Variants in KCNQ1OT1 observed in about 807,000 individuals in gnomAD.
KCNQ1OT1 encodes KCNQ1 opposite strand/antisense transcript 1.
exon 1 of KCNQ1OT1, chr11:2,640,183 G>A (rs922272012): frequency 6.5e-5 from 25 of 387,202 alleles, no homozygotes; most frequent in African/African-American, 2.1e-4. Context: ...GCCCTACTTC[G>A]TCTCACACTC....
In KCNQ1OT1 at chr11:2,624,560, T is replaced by C. The variant is rs116003312; in HGVS notation, n.75435A>G. 8.3e-3 allele frequency: 3,327 copies of C among 398,526 alleles called. 77 individuals are homozygous for C. Among genetic ancestry groups the C allele is most frequent in the African/African-American group, 0.059 (2,869 of 48,748 alleles). The allele number at this position is 398,526 out of a possible 1,614,324, so 24.7% of individuals were successfully genotyped here. ...TTTCTATTTGTTGTTGATTTCCAAA[T>C]CTTTTATTGTGGCAAAATACACTTA... On this transcript the variant is annotated non_coding_transcript_exon_variant, in exon 1 of 1. Coordinates refer to ENST00000597346, the Ensembl canonical transcript of KCNQ1OT1. This position sits in a 1 kb window ranked among gnomAD's most constrained non-coding sequence, Gnocchi z 4.9.
rs16928522 is a variant in KCNQ1OT1, at chr11:2,664,411, C to T, written n.35584G>A. 3.5e-5 allele frequency: 14 copies of T among 398,632 alleles called. No individual in the cohort carries two copies. Among genetic ancestry groups the T allele is most frequent in the Middle Eastern group, 1.3e-3 (2 of 1,588 alleles). The allele number at this position is 398,632 out of a possible 1,614,324, so 24.7% of individuals were successfully genotyped here. ...AGAGGCCTGAAGGGGAGAGTGGGCA[C>T]GTACAGTGTCAGGGCCTAGGAACCC... On this transcript the variant is annotated non_coding_transcript_exon_variant, in exon 1 of 1. Transcript: ENST00000597346. This position sits in a 1 kb window ranked among gnomAD's most constrained non-coding sequence, Gnocchi z 5.1.
chr11:2,638,960 C>T (rs1019227224), exon 1 of KCNQ1OT1: 1 of 152,148 alleles, frequency 6.6e-6, no homozygotes, highest in Non-Finnish European at 1.5e-5. Context: ...TCATTTCATT[C>T]ATTTGATCTT....
chr11:2,618,919 G>T, exon 1 of KCNQ1OT1: 1 of 398,120 alleles, frequency 2.5e-6, no homozygotes, highest in East Asian at 3.6e-5. Context: ...TTATTCCTAA[G>T]CAATTTTTTT....
At chr11:2,667,297 C>A (rs1435627465) in exon 1 of KCNQ1OT1, 3 of 398,526 alleles carry the variant, frequency 7.5e-6, no homozygotes, top group Non-Finnish European at 8.8e-6. Flanking sequence ...GAGAGGGCCG[C>A]ACTGTCTAGG....
exon 1 of KCNQ1OT1, chr11:2,696,602 A>C (rs1850680614): frequency 7.5e-6 from 3 of 398,544 alleles, no homozygotes; most frequent in Non-Finnish European, 8.8e-6. Context: ...CAAGCCCTCC[A>C]ACTGGAAGTT....
chr11:2,625,715 G>A (rs187538849), exon 1 of KCNQ1OT1: 7 of 397,114 alleles, frequency 1.8e-5, no homozygotes, highest in South Asian at 1.4e-4. Flanking sequence ...GACTACAGGC[G>A]CCCACCACCA....
chr11:2,640,778 A>T (rs1486558476), exon 1 of KCNQ1OT1: 1 of 398,440 alleles, frequency 2.5e-6, no homozygotes, highest in Non-Finnish European at 4.4e-6. Context: ...TAAATTATTT[A>T]TTCTAACTAG....
chr11:2,620,157 T>C lies in KCNQ1OT1; in HGVS notation n.79838A>G, dbSNP rs1849142008. On this transcript the variant is annotated non_coding_transcript_exon_variant, in exon 1 of 1. Transcript: ENST00000597346. The surrounding 1 kb of genome is among the most constrained non-coding windows in gnomAD (Gnocchi z 4.5). The stretch of plus-strand genomic sequence containing the variant: ...TTAATTTGCTTAAGATAGTGGCCTC[T>C]AGCTGCATCCATGTTGCTGCAAAGG... The C allele has an allele frequency of 2.5e-6, 1 of 395,934 alleles. No homozygotes were observed. The allele number at this position is 395,934 out of a possible 1,614,324, so 24.5% of individuals were successfully genotyped here. A position where few individuals can be genotyped will look rare whatever the true frequency, so the allele number is the denominator to read the frequency against.
At chr11:2,689,278 GAT>G (rs1355632127) in exon 1 of KCNQ1OT1, 11 of 398,568 alleles carry the variant, frequency 2.8e-5, no homozygotes. Flanking sequence ...CCTTTGCACA[GAT>G]ATCTCCCACT....
At chr11:2,675,372 G>C in exon 1 of KCNQ1OT1, 1 of 398,440 alleles carries the variant, frequency 2.5e-6, no homozygotes, top group Non-Finnish European at 4.4e-6. Context: ...GTGTGCATTA[G>C]AAAACATTTA....
In KCNQ1OT1 at chr11:2,670,789, T is replaced by G. The variant is rs1850170094; in HGVS notation, n.29206A>C. 2.5e-6 allele frequency: 1 copy of G among 398,484 alleles called. No individual in the cohort carries two copies. Among genetic ancestry groups the G allele is most frequent in the South Asian group, 1.3e-4 (1 of 7,850 alleles). 24.7% of individuals were successfully genotyped at this position (398,484 alleles called of 1,614,324 possible). On this transcript the variant is annotated non_coding_transcript_exon_variant, in exon 1 of 1. Transcript: ENST00000597346. The surrounding 1 kb of genome is among the most constrained non-coding windows in gnomAD (Gnocchi z 4.9). ...TGTGGCTGCCCTCTGCAATAAGAAT[T>G]CTTCAAGTTCAGCCTCTATGTGCAT...
chr11:2,672,261 T>A, exon 1 of KCNQ1OT1: 1 of 398,676 alleles, frequency 2.5e-6, no homozygotes, highest in East Asian at 3.6e-5. Context: ...CTTTTCTTTT[T>A]GAACTGCCCC....
At chr11:2,615,102 TC>T in exon 1 of KCNQ1OT1, 1 of 398,326 alleles carries the variant, frequency 2.5e-6, no homozygotes, top group East Asian at 3.6e-5. Context: ...AGTGCAGAAG[TC>T]TTTCACCTTC....
chr11:2,656,215 A>G (rs1308588143), exon 1 of KCNQ1OT1: 1 of 398,506 alleles, frequency 2.5e-6, no homozygotes, highest in Non-Finnish European at 4.4e-6. Flanking sequence ...ATCCTGGATG[A>G]AGTTTTAGCT....
chr11:2,699,004 C>T, exon 1 of KCNQ1OT1: 2 of 398,616 alleles, frequency 5.0e-6, no homozygotes, highest in East Asian at 3.6e-5. Flanking sequence ...TAATTCGGGC[C>T]CTGACTCAGA....
At chr11:2,675,477 G>A (rs1370705090) in exon 1 of KCNQ1OT1, 27 of 398,522 alleles carry the variant, frequency 6.8e-5, no homozygotes, top group East Asian at 5.7e-4. Context: ...ACATAAAAAC[G>A]TAAATATTTC....
chr11:2,619,379 C>T (rs559268559), exon 1 of KCNQ1OT1: 17 of 398,422 alleles, frequency 4.3e-5, no homozygotes, highest in Non-Finnish European at 7.1e-5. Flanking sequence ...AATTTATCAA[C>T]AAAGGATGTT....
exon 1 of KCNQ1OT1, chr11:2,688,994 C>G (rs1850544423): frequency 5.0e-6 from 2 of 398,724 alleles, no homozygotes; most frequent in Non-Finnish European, 8.8e-6. Context: ...AGCAGGGGAG[C>G]CTGCAGGTCC....
Sources: allele counts gnomAD v4.1 joint callset, GRCh38; gene constraint gnomAD v4.1.1; non-coding constraint Gnocchi (gnomAD v3.1); transcripts MANE v1.5; gene names NCBI Gene and HGNC (gene_info 2026-07-23, HGNC 2026-07-21).